Variants in NALF1 observed in about 807,000 individuals in gnomAD.
NALF1 encodes the protein NALCN channel auxiliary factor 1.
Under a neutral mutation model 48.4 loss-of-function variants are expected in NALF1, and 3 were observed. That is an observed-to-expected ratio of 0.06 (90% CI 0.03 to 0.16). NALF1 has a LOEUF of 0.16. Ranked by LOEUF, NALF1 falls within the 10% of genes least tolerant of loss-of-function variation. The pLI is 1.00. For missense variants in NALF1, 526 were observed against 571.5 expected (o/e 0.92, Z 0.81); for synonymous variants, 262 against 245.7 (o/e 1.07, Z -0.62).
chr13:107,419,966 C>T (rs909201911), intron 1 of NALF1, among the ~76,000 whole-genome samples: 3 of 152,120 alleles, frequency 2.0e-5, no homozygotes, highest in African/African-American at 7.2e-5. Context: ...AGACCAAGCT[C>T]GATGGTACTT....
chr13:107,590,938 T>C (rs1878586075), intron 1 of NALF1, among the ~76,000 whole-genome samples: 1 of 151,964 alleles, frequency 6.6e-6, no homozygotes, highest in South Asian at 2.1e-4. Context: ...GGATTAAACA[T>C]AGAAGTCATA....
intron 1 of NALF1, among the ~76,000 whole-genome samples, chr13:107,239,565 C>T (rs998793619): frequency 6.6e-6 from 1 of 152,220 alleles, no homozygotes; most frequent in African/African-American, 2.4e-5. Context: ...AGACTTCAAC[C>T]TATCTTTTTG....
At chr13:107,288,979 C>A (rs1594105903) in intron 1 of NALF1, among the ~76,000 whole-genome samples, 1 of 144,444 alleles carries the variant, frequency 6.9e-6, no homozygotes, top group Non-Finnish European at 1.5e-5. Flanking sequence ...GCAGACACAT[C>A]AAAAAACTGT....
At chr13:107,831,262 C>T (rs1348346317) in intron 1 of NALF1, among the ~76,000 whole-genome samples, 2 of 152,144 alleles carry the variant, frequency 1.3e-5, no homozygotes, top group Non-Finnish European at 2.9e-5. Context: ...ATTACATTGA[C>T]TATTGCTAAC....
intron 1 of NALF1, among the ~76,000 whole-genome samples, chr13:107,669,324 T>C (rs1254017793): frequency 6.6e-6 from 1 of 152,122 alleles, no homozygotes; most frequent in Non-Finnish European, 1.5e-5. Context: ...AGTCATTGCT[T>C]ATGATTGTGC....
intron 2 of NALF1, among the ~76,000 whole-genome samples, chr13:107,181,368 T>C (rs1879056657): frequency 6.6e-6 from 1 of 151,542 alleles, no homozygotes; most frequent in African/African-American, 2.4e-5. Context: ...AAACACTTAC[T>C]GATCTAAATT....
chr13:107,400,201 G>T (rs1272599543), intron 1 of NALF1, among the ~76,000 whole-genome samples: 4 of 151,972 alleles, frequency 2.6e-5, no homozygotes, highest in Non-Finnish European at 5.9e-5. Context: ...TATGAATTTG[G>T]TCTATTATCA....
At chr13:107,409,601 C>T (rs573639406) in intron 1 of NALF1, among the ~76,000 whole-genome samples, 3 of 152,174 alleles carry the variant, frequency 2.0e-5, no homozygotes, top group East Asian at 1.9e-4. Context: ...GGACATCAGT[C>T]GTGGTAAATC....
intron 1 of NALF1, among the ~76,000 whole-genome samples, chr13:107,575,791 T>C (rs554613531): frequency 2.0e-5 from 3 of 152,302 alleles, no homozygotes; most frequent in Admixed American, 6.5e-5. Flanking sequence ...AAGGTGATTT[T>C]ACTTTTCATC....
intron 1 of NALF1, among the ~76,000 whole-genome samples, chr13:107,461,887 G>A (rs1017846811): frequency 5.3e-5 from 8 of 152,132 alleles, no homozygotes; most frequent in African/African-American, 1.9e-4. Context: ...AAAACAAACA[G>A]ACACTGGCTC....
At position 107,533,309 on chromosome 13, in the gene NALF1, C is replaced by T. The variant is rs146311257; in HGVS notation, c.916-322554G>A. Among the ~76,000 whole-genome samples the T allele has an allele frequency of 6.5e-3, 991 of 152,160 alleles. 11 individuals are homozygous for T. The highest frequency in any genetic ancestry group is 0.023 in the African/African-American group (945 of 41,512). On this transcript the variant is annotated intron_variant, in intron 1 of 2. Transcript: ENST00000375915. The stretch of plus-strand genomic sequence containing the variant: ...TTTGAATGTCAGATCCTCCAAAATT[C>T]ATGTTAAAACCAAATCACCACAGTG...
chr13:107,644,642 CATACATAT>C (rs1260429612), intron 1 of NALF1, among the ~76,000 whole-genome samples: 8 of 92,214 alleles, frequency 8.7e-5, no homozygotes, highest in African/African-American at 1.5e-4. Context: ...TACATACATA[CATACATAT>C]ATATATATAT....
intron 1 of NALF1, among the ~76,000 whole-genome samples, chr13:107,520,846 G>C: frequency 6.6e-6 from 1 of 152,018 alleles, no homozygotes; most frequent in East Asian, 1.9e-4. Context: ...CCAAGCCCAG[G>C]GTAGACCCCT....
At chr13:107,725,412 A>G (rs931209322) in intron 1 of NALF1, among the ~76,000 whole-genome samples, 1 of 152,246 alleles carries the variant, frequency 6.6e-6, no homozygotes, top group Non-Finnish European at 1.5e-5. Context: ...CTAAGAGTAG[A>G]AAAAGTGAAG....
intron 1 of NALF1, among the ~76,000 whole-genome samples, chr13:107,805,552 T>C (rs1878755389): frequency 6.6e-6 from 1 of 152,118 alleles, no homozygotes; most frequent in African/African-American, 2.4e-5. Flanking sequence ...GGGAATATAA[T>C]CCACTGCAGA....
At chr13:107,833,801 C>T (rs1371177313) in intron 1 of NALF1, among the ~76,000 whole-genome samples, 1 of 152,056 alleles carries the variant, frequency 6.6e-6, no homozygotes. Flanking sequence ...CATCCTTTTA[C>T]TTTTTTTCTA....
At chr13:107,553,797 G>GT (rs1200035176) in intron 1 of NALF1, among the ~76,000 whole-genome samples, 3 of 152,214 alleles carry the variant, frequency 2.0e-5, no homozygotes, top group Non-Finnish European at 4.4e-5. Flanking sequence ...CAAGACGCGA[G>GT]TATCTCAGAG....
intron 1 of NALF1, among the ~76,000 whole-genome samples, chr13:107,414,768 C>T (rs1189476423): frequency 6.6e-6 from 1 of 151,702 alleles, no homozygotes; most frequent in East Asian, 1.9e-4. Flanking sequence ...ACTTCTAAAT[C>T]TTGATCATGA....
At chr13:107,474,131 A>AT (rs564026063) in intron 1 of NALF1, among the ~76,000 whole-genome samples, 5 of 151,642 alleles carry the variant, frequency 3.3e-5, no homozygotes, top group South Asian at 2.1e-4. Flanking sequence ...ACTGAATAAA[A>AT]TTTTTTTTTC....
Sources: gnomAD v4.1 joint callset for allele counts (sites outside exome capture counted in the v4.1 genomes callset) on GRCh38, gnomAD v4.1.1 for gene constraint, MANE v1.5 for transcripts, NCBI Gene and HGNC (gene_info 2026-07-23, HGNC 2026-07-21) for gene names.